Variants in XYLT1 observed in about 807,000 individuals in gnomAD.
XYLT1 encodes the protein xylosyltransferase 1, also known as beta-D-xylosyltransferase 1.
Under a neutral mutation model 91.3 loss-of-function variants are expected in XYLT1, and 36 were observed. The observed-to-expected ratio is 0.39, with a 90% CI of 0.30 to 0.52. XYLT1 has a LOEUF of 0.52. Among genes scored for constraint, XYLT1 ranks in the 20% least tolerant of loss-of-function variants. XYLT1 has a pLI of 0.68. For synonymous variants in XYLT1, 588 were observed against 532.0 expected, an observed-to-expected ratio of 1.11 and a Z score of -1.45; for missense variants, 1,242 against 1,284.5, an observed-to-expected ratio of 0.97 and a Z score of 0.51.
chr16:17,396,487 C>G (rs935579372), intron 1 of XYLT1, among the ~76,000 whole-genome samples: 1 of 152,298 alleles, frequency 6.6e-6, no homozygotes, highest in African/African-American at 2.4e-5. Context: ...TCCTGGCACA[C>G]AGTAAGTGCT....
chr16:17,139,480 C>CCA (rs1251022232), intron 7 of XYLT1, among the ~76,000 whole-genome samples: 1 of 152,130 alleles, frequency 6.6e-6, no homozygotes, highest in African/African-American at 2.4e-5. Flanking sequence ...TCACCAGTAT[C>CCA]GTGGTGGGCG....
At chr16:17,214,197 T>C (rs2032813689) in intron 3 of XYLT1, among the ~76,000 whole-genome samples, 1 of 152,188 alleles carries the variant, frequency 6.6e-6, no homozygotes, top group South Asian at 2.1e-4. Context: ...CTCCCACTTT[T>C]TGGCAAACAC....
chr16:17,429,284 T>C (rs1012366222), intron 1 of XYLT1, among the ~76,000 whole-genome samples: 1 of 152,210 alleles, frequency 6.6e-6, no homozygotes, highest in Non-Finnish European at 1.5e-5. Context: ...TTTCTTTCCT[T>C]GCCACAAACA....
intron 3 of XYLT1, chr16:17,226,972 T>C (rs1180926434): frequency 6.6e-6 from 1 of 152,156 alleles, no homozygotes; most frequent in Non-Finnish European, 1.5e-5. Flanking sequence ...TGGGATACAA[T>C]GATGCAGATA....
intron 11 of XYLT1, among the ~76,000 whole-genome samples, chr16:17,113,938 T>A (rs1392136476): frequency 1.3e-5 from 2 of 151,416 alleles, no homozygotes; most frequent in Admixed American, 6.6e-5. Flanking sequence ...CTCATCCACC[T>A]GCCAGGAGGG....
At chr16:17,153,938 G>C (rs1411334740) in intron 6 of XYLT1, among the ~76,000 whole-genome samples, 2 of 152,252 alleles carry the variant, frequency 1.3e-5, no homozygotes, top group East Asian at 3.9e-4. Flanking sequence ...AGTAATAAAA[G>C]AACACAGGCC....
chr16:17,462,011 C>T (rs764865856), intron 1 of XYLT1, among the ~76,000 whole-genome samples: 2 of 152,296 alleles, frequency 1.3e-5, no homozygotes, highest in Non-Finnish European at 2.9e-5. Context: ...AATGTTTGTG[C>T]CTCCTGGGTA....
chr16:17,392,644 G>A (rs988558808), intron 1 of XYLT1, among the ~76,000 whole-genome samples: 81 of 152,150 alleles, frequency 5.3e-4, no homozygotes, highest in Non-Finnish European at 5.3e-4. Flanking sequence ...AGTTATGCTT[G>A]GAAACTGAGT....
chr16:17,335,094 G>A (rs182801669), intron 2 of XYLT1, among the ~76,000 whole-genome samples: 81 of 150,682 alleles, frequency 5.4e-4, no homozygotes, highest in African/African-American at 1.6e-3. Context: ...GCATGGTGGC[G>A]GGTGCCTCTA....
intron 1 of XYLT1, among the ~76,000 whole-genome samples, chr16:17,382,398 C>T (rs983009029): frequency 6.6e-6 from 1 of 151,908 alleles, no homozygotes; most frequent in Non-Finnish European, 1.5e-5. Context: ...ACTAGCCACA[C>T]GTGGCTGCCC....
intron 10 of XYLT1, among the ~76,000 whole-genome samples, chr16:17,118,914 T>G (rs2029951261): frequency 6.6e-6 from 1 of 152,144 alleles, no homozygotes. Flanking sequence ...ACTCCTTTCT[T>G]GCACAGCCAG....
intron 2 of XYLT1, among the ~76,000 whole-genome samples, chr16:17,269,515 T>A (rs555658090): frequency 1.3e-5 from 2 of 152,116 alleles, no homozygotes; most frequent in Admixed American, 6.6e-5. Flanking sequence ...CAAGGCAACA[T>A]CCCTGGGATG....
intron 5 of XYLT1, among the ~76,000 whole-genome samples, chr16:17,175,552 T>C (rs1387216333): frequency 2.0e-5 from 3 of 152,126 alleles, no homozygotes; most frequent in Non-Finnish European, 4.4e-5. Flanking sequence ...TCCATATGCA[T>C]CACCACTGGA....
At position 17,106,973 on chromosome 16, in the gene XYLT1, A is replaced by AGG. The variant is rs1395328503; in HGVS notation, c.*1721_*1722insCC. On this transcript the variant is annotated 3_prime_UTR_variant, in exon 12 of 12. Coordinates refer to ENST00000261381, the MANE Select transcript of XYLT1 (RefSeq NM_022166.4). ...CAGAGAAAGAGAAACCGAGAGAGAGAGAGACACCAGGGGGTGGGAAAAGAT... is the reference window on the plus strand; with the variant it reads ...CAGAGAAAGAGAAACCGAGAGAGAGAGGGAGACACCAGGGGGTGGGAAAAGAT... The AGG allele has an allele frequency of 6.6e-6, 1 of 152,016 alleles. No individual in the cohort carries two copies. The highest frequency in any genetic ancestry group is 6.6e-5 in the Admixed American group (1 of 15,258). The allele number at this position is 152,016 out of a possible 1,614,324, so 9.4% of individuals were successfully genotyped here. A position where few individuals can be genotyped will look rare whatever the true frequency, so the allele number is the denominator to read the frequency against.
At chr16:17,461,875 AC>A (rs2036828663) in intron 1 of XYLT1, among the ~76,000 whole-genome samples, 1 of 152,190 alleles carries the variant, frequency 6.6e-6, no homozygotes. Flanking sequence ...AATCAGTAAA[AC>A]AGAAATGAAA....
intron 1 of XYLT1, among the ~76,000 whole-genome samples, chr16:17,455,519 G>A (rs1053249151): frequency 6.6e-6 from 1 of 152,038 alleles, no homozygotes; most frequent in Non-Finnish European, 1.5e-5. Context: ...GGGAGGCCTA[G>A]GTGGGCGAAT....
intron 5 of XYLT1, among the ~76,000 whole-genome samples, chr16:17,194,745 C>T (rs1322023777): frequency 2.0e-5 from 3 of 152,220 alleles, no homozygotes; most frequent in South Asian, 2.1e-4. Flanking sequence ...TGCAACCAGA[C>T]GAAACTGGTT....
intron 5 of XYLT1, among the ~76,000 whole-genome samples, chr16:17,159,488 A>G (rs2031495821): frequency 6.6e-6 from 1 of 152,196 alleles, no homozygotes; most frequent in South Asian, 2.1e-4. Context: ...ATTAGAATGT[A>G]AGTTCCACGA....
intron 5 of XYLT1, among the ~76,000 whole-genome samples, chr16:17,165,905 A>G (rs2031669419): frequency 6.6e-6 from 1 of 152,254 alleles, no homozygotes; most frequent in Non-Finnish European, 1.5e-5. Context: ...TTAATTTCAG[A>G]AAGCAAACTA....
Sources: gnomAD v4.1 joint callset for allele counts (sites outside exome capture counted in the v4.1 genomes callset) on GRCh38, gnomAD v4.1.1 for gene constraint, MANE v1.5 for transcripts, NCBI Gene and HGNC (gene_info 2026-07-23, HGNC 2026-07-21) for gene names.